The following SLC9A7 variants were observed in gnomAD, a reference collection of about 807,000 sequenced individuals.
SLC9A7 encodes the protein sodium/hydrogen exchanger 7.
SLC9A7 carries 19 observed loss-of-function variants against 52.6 expected under a neutral mutation model. The ratio of observed to expected loss-of-function variants is 0.36; its 90% CI spans 0.25 to 0.53. The LOEUF (loss-of-function observed/expected upper bound fraction) is 0.53, where lower values mean the gene tolerates loss of function less well. Ranked by LOEUF, SLC9A7 falls within the 20% of genes least tolerant of loss-of-function variation. The probability of loss-of-function intolerance (pLI) is 0.91; values close to 1 mark genes in which losing one functional copy is unlikely to be tolerated. For synonymous variants in SLC9A7, 226 were observed against 252.1 expected (o/e 0.90, Z 0.98); for missense variants, 455 against 597.9 (o/e 0.76, Z 2.49).
intron 11 of SLC9A7, among the ~76,000 whole-genome samples, chrX:46,645,423 G>A (rs2146762706): frequency 8.9e-6 from 1 of 111,788 alleles, no homozygotes; most frequent in Non-Finnish European, 1.9e-5. Flanking sequence ...TTCTCAAAGT[G>A]TGGTTTTCAA....
chrX:46,672,420 A>G (rs773666023), intron 4 of SLC9A7, 131 bp downstream of exon 4: 195 of 451,000 alleles, frequency 4.3e-4, no homozygotes, highest in African/African-American at 4.2e-3. Flanking sequence ...TAGCTACCAT[A>G]CTGAACGGTG....
chrX:46,757,022 G>A (rs912702691), intron 1 of SLC9A7, among the ~76,000 whole-genome samples: 2 of 112,122 alleles, frequency 1.8e-5, no homozygotes, highest in African/African-American at 3.2e-5. Flanking sequence ...ATGTGTTTAC[G>A]AATCTGACAA....
chrX:46,750,690 G>A (rs1556286898), intron 1 of SLC9A7, among the ~76,000 whole-genome samples: 2 of 112,220 alleles, frequency 1.8e-5, no homozygotes, highest in African/African-American at 3.2e-5. Context: ...ATGGCTTAAC[G>A]TATGCAAAGT....
chrX:46,727,900 C>T (rs768241023), intron 1 of SLC9A7, among the ~76,000 whole-genome samples: 1 of 111,215 alleles, frequency 9.0e-6, no homozygotes, highest in Non-Finnish European at 1.9e-5. Flanking sequence ...AATTATTGCA[C>T]GATAGCACAG....
rs1223802172 is a variant in SLC9A7 at position 46,602,651 on chromosome X, T to C, written c.*4301A>G. The C allele has an allele frequency of 1.8e-5, 2 of 112,524 alleles. No homozygotes were observed. The highest frequency in any genetic ancestry group is 7.3e-4 in the South Asian group (2 of 2,733). The allele number at this position is 112,524 out of a possible 1,213,427, so 9.3% of individuals were successfully genotyped here. Reference sequence around the variant, plus strand: ...AACATCGGACTCGGCTGAACTGTCGTCCCCACCAACCCAGAACAAATACGT... The same window carrying C: ...AACATCGGACTCGGCTGAACTGTCGCCCCCACCAACCCAGAACAAATACGT... On this transcript the variant is annotated 3_prime_UTR_variant, in exon 17 of 17. Transcript: ENST00000616978.
At chrX:46,754,216 T>A (rs1457656438) in intron 1 of SLC9A7, among the ~76,000 whole-genome samples, 4 of 111,519 alleles carry the variant, frequency 3.6e-5, no homozygotes, top group African/African-American at 9.8e-5. Flanking sequence ...GGAACTAATA[T>A]TTACCAAGTG....
chrX:46,692,844 A>C (rs1412397714), intron 1 of SLC9A7, among the ~76,000 whole-genome samples: 1 of 111,017 alleles, frequency 9.0e-6, no homozygotes, highest in Non-Finnish European at 1.9e-5. Flanking sequence ...TTGCAGCAGG[A>C]CAACACTGGC....
At chrX:46,669,308 A>T (rs1436301467) in intron 5 of SLC9A7, among the ~76,000 whole-genome samples, 1 of 110,376 alleles carries the variant, frequency 9.1e-6, no homozygotes, top group Non-Finnish European at 1.9e-5. Flanking sequence ...GCTGCTTGGG[A>T]GGCTGAGGCA....
At chrX:46,743,534 A>G (rs1440771763) in intron 1 of SLC9A7, among the ~76,000 whole-genome samples, 4 of 111,837 alleles carry the variant, frequency 3.6e-5, no homozygotes, top group Non-Finnish European at 7.5e-5. Flanking sequence ...TGTTCTATGC[A>G]GCCCCACCCC....
Position 46,615,867 on chromosome X carries a change from G to A in SLC9A7, c.1824-2473C>T, listed in dbSNP as rs189497937. ...TTTTCCTTCCTAGTAAGGATGGTAC[G>A]TTTAACTCATTTACACTCCTGTCTC... On this transcript the variant is annotated intron_variant, in intron 15 of 16. Coordinates refer to ENST00000616978, the MANE Select transcript of SLC9A7 (RefSeq NM_001257291.2). Among the ~76,000 whole-genome samples, 18 of 110,015 alleles carry A rather than the reference G, an allele frequency of 1.6e-4. No homozygotes were observed. The East Asian group carries it at 4.8e-3, about 30-fold the overall frequency.
chrX:46,651,417 C>A lies in SLC9A7; in HGVS notation c.1148-13G>T. On this transcript the variant is annotated splice_polypyrimidine_tract_variant and intron_variant, in intron 8 of 16. Transcript: ENST00000616978. ...ACAGCTACAACACCTGTTAAAACAT[C>A]CCCCCAAAAAAAATCAATGGAAAAA... is the stretch of plus-strand genomic sequence containing the variant. The A allele has an allele frequency of 8.6e-7, 1 of 1,164,408 alleles. No individual in the cohort carries two copies. The highest frequency in any genetic ancestry group is 1.2e-6 in the Non-Finnish European group (1 of 861,136).
At chrX:46,688,093 TTTGAG>T (rs767877087) in intron 1 of SLC9A7, among the ~76,000 whole-genome samples, 5 of 112,317 alleles carry the variant, frequency 4.5e-5, no homozygotes, top group African/African-American at 9.7e-5. Context: ...TCAATAAATA[TTTGAG>T]TTGTTTCCCT....
chrX:46,679,846 A>C, intron 2 of SLC9A7, 91 bp from the exon 3 acceptor site: 1 of 571,931 alleles, frequency 1.7e-6, no homozygotes, highest in Non-Finnish European at 2.8e-6. Context: ...CATTGACTAA[A>C]GTTTGAATAT....
At chrX:46,638,447 A>G (rs1418525288) in intron 12 of SLC9A7, among the ~76,000 whole-genome samples, 2 of 112,317 alleles carry the variant, frequency 1.8e-5, no homozygotes, top group African/African-American at 6.5e-5. Flanking sequence ...AATACAGAAA[A>G]TCAATGAAAT....
intron 1 of SLC9A7, among the ~76,000 whole-genome samples, chrX:46,756,837 G>A (rs782120043): frequency 8.9e-6 from 1 of 112,143 alleles, no homozygotes; most frequent in Non-Finnish European, 1.9e-5. Context: ...ACAGTACACT[G>A]TAGCACAACC....
chrX:46,758,604 A>G (rs1602318277), intron 1 of SLC9A7, 101 bp downstream of exon 1: 1 of 475,870 alleles, frequency 2.1e-6, no homozygotes, highest in Non-Finnish European at 3.2e-6. Context: ...CGTAAAAGAA[A>G]CGGAACACGT....
chrX:46,667,865 T>C (rs1943946109), intron 5 of SLC9A7, among the ~76,000 whole-genome samples: 1 of 111,911 alleles, frequency 8.9e-6, no homozygotes, highest in African/African-American at 3.3e-5. Flanking sequence ...GATCAAATTA[T>C]AGGTTTCAAC....
chrX:46,644,191 G>A (rs1212087808), intron 11 of SLC9A7, among the ~76,000 whole-genome samples: 1 of 112,161 alleles, frequency 8.9e-6, no homozygotes, highest in Non-Finnish European at 1.9e-5. Flanking sequence ...GACAGGCAGT[G>A]GCCAGATTTG....
At chrX:46,618,318 T>TG (rs1321885133) in intron 15 of SLC9A7, among the ~76,000 whole-genome samples, 26 of 111,966 alleles carry the variant, frequency 2.3e-4, no homozygotes, top group African/African-American at 8.4e-4. Context: ...TCCTTATTCC[T>TG]GTTTGGATTA....
Sources: gnomAD v4.1 joint callset for allele counts (sites outside exome capture counted in the v4.1 genomes callset) on GRCh38, gnomAD v4.1.1 for gene constraint, MANE v1.5 for transcripts, NCBI Gene and HGNC (gene_info 2026-07-23, HGNC 2026-07-21) for gene names.